Variants in RBM19 observed in about 807,000 individuals in gnomAD.
The protein encoded by RBM19 is RNA binding motif protein 19.
Under a neutral mutation model 116.8 loss-of-function variants are expected in RBM19, and 94 were observed. That is an observed-to-expected ratio of 0.80 (90% CI 0.68 to 0.95). RBM19 has a LOEUF of 0.95. RBM19 is among the 40% of genes least tolerant of loss of function. The pLI is 0.00. For synonymous variants in RBM19, 475 were observed against 494.1 expected (o/e 0.96, Z 0.51); for missense variants, 1,161 against 1,220.7 (o/e 0.95, Z 0.73).
At position 113,822,801 on chromosome 12, in the gene RBM19, G is replaced by C. The variant is rs12303721; in HGVS notation, c.*423C>G. ...AAGGAAACTGGGCCAGGGTCTCCCA[G>C]CTTGAGCTTGGAGACGGGGTTTCAT... On this transcript the variant is annotated 3_prime_UTR_variant, in exon 24 of 24. Transcript: ENST00000261741. 34,013 of 166,202 alleles carry C rather than the reference G, an allele frequency of 0.2. 3,865 individuals are homozygous for C. The highest frequency in any genetic ancestry group is 0.31 in the Middle Eastern group (105 of 336). 10.3% of individuals were successfully genotyped at this position (166,202 alleles called of 1,614,324 possible).
intron 21 of RBM19, among the ~76,000 whole-genome samples, chr12:113,870,484 C>T (rs1180591571): frequency 3.3e-5 from 5 of 152,158 alleles, no homozygotes; most frequent in Non-Finnish European, 5.9e-5. Flanking sequence ...TGCTGCTCTC[C>T]CAGTCTGTTT....
At chr12:113,959,994 G>C in intron 3 of RBM19, 65 bp downstream of exon 3, 1 of 1,613,866 alleles carries the variant, frequency 6.2e-7, no homozygotes, top group Non-Finnish European at 8.5e-7. Context: ...CCATCTTTGG[G>C]AACCAAAAGT....
At chr12:113,887,061 C>T (rs1880579176) in intron 21 of RBM19, among the ~76,000 whole-genome samples, 1 of 152,150 alleles carries the variant, frequency 6.6e-6, no homozygotes, top group African/African-American at 2.4e-5. Context: ...AAAAAAATCA[C>T]AAGAATAACA....
chr12:113,857,526 G>A (rs575669048), intron 22 of RBM19, among the ~76,000 whole-genome samples: 3 of 152,354 alleles, frequency 2.0e-5, no homozygotes, highest in Admixed American at 1.3e-4. Flanking sequence ...TGCCTGCCCC[G>A]CTGTGAGGGT....
intron 18 of RBM19, among the ~76,000 whole-genome samples, chr12:113,924,487 G>C (rs887024987): frequency 6.6e-6 from 1 of 152,178 alleles, no homozygotes; most frequent in South Asian, 2.1e-4. Context: ...TCTGACCCAA[G>C]AGGCTGCTTC....
At chr12:113,873,565 C>A (rs1428628883) in intron 21 of RBM19, among the ~76,000 whole-genome samples, 17 of 119,108 alleles carry the variant, frequency 1.4e-4, no homozygotes, top group African/African-American at 5.2e-4. Context: ...GGTCCTCTGC[C>A]TAGGAAAACC....
intron 14 of RBM19, 82 bp downstream of exon 14, chr12:113,942,242 A>T: frequency 8.4e-7 from 1 of 1,193,662 alleles, no homozygotes; most frequent in Non-Finnish European, 1.2e-6. Flanking sequence ...CAGATCCTTA[A>T]ATCCATCTGC....
intron 7 of RBM19, 40 bp from the exon 8 acceptor site, chr12:113,952,630 T>G (rs1465906635): frequency 6.5e-7 from 1 of 1,536,272 alleles, no homozygotes; most frequent in Non-Finnish European, 9.0e-7. Flanking sequence ...AACCACATAA[T>G]AAAAGTACAA....
intron 21 of RBM19, among the ~76,000 whole-genome samples, chr12:113,913,608 C>T (rs1194710285): frequency 6.6e-6 from 1 of 152,210 alleles, no homozygotes; most frequent in African/African-American, 2.4e-5. Flanking sequence ...ACTTCTTATT[C>T]TTCAAACTAC....
chr12:113,835,972 T>C (rs1875844896), intron 23 of RBM19, among the ~76,000 whole-genome samples: 1 of 152,196 alleles, frequency 6.6e-6, no homozygotes, highest in Non-Finnish European at 1.5e-5. Context: ...ACCATTATAT[T>C]CTCTCGGCTG....
At chr12:113,913,820 G>A (rs938118530) in intron 21 of RBM19, among the ~76,000 whole-genome samples, 5 of 152,184 alleles carry the variant, frequency 3.3e-5, no homozygotes, top group Admixed American at 2.0e-4. Context: ...TCACCCACGC[G>A]CAGGCCATGG....
At chr12:113,841,350 C>T (rs960191045) in intron 23 of RBM19, among the ~76,000 whole-genome samples, 1 of 152,102 alleles carries the variant, frequency 6.6e-6, no homozygotes, top group African/African-American at 2.4e-5. Flanking sequence ...GTTAGAAGGG[C>T]CAAAGCCATG....
At chr12:113,862,306 C>T (rs565992792) in intron 21 of RBM19, among the ~76,000 whole-genome samples, 8 of 152,110 alleles carry the variant, frequency 5.3e-5, no homozygotes, top group Non-Finnish European at 2.9e-5. Context: ...AACTCAAAAT[C>T]GAGGCGAGAT....
chr12:113,937,332 A>C, intron 15 of RBM19, 196 bp from the exon 16 acceptor site: 1 of 550,640 alleles, frequency 1.8e-6, no homozygotes, highest in Non-Finnish European at 3.1e-6. Context: ...CCCATGCTGC[A>C]TCTCAGGGTG....
chr12:113,934,310 A>G (rs1255409854), intron 16 of RBM19, among the ~76,000 whole-genome samples: 2 of 152,226 alleles, frequency 1.3e-5, no homozygotes, highest in South Asian at 2.1e-4. Context: ...GGCGGGGCGG[A>G]TATCATGCCC....
chr12:113,878,118 T>A (rs571970975), intron 21 of RBM19, among the ~76,000 whole-genome samples: 1 of 152,222 alleles, frequency 6.6e-6, no homozygotes, highest in African/African-American at 2.4e-5. Flanking sequence ...GGGTATTTAC[T>A]CTCTGGCCCT....
rs1287076205 is a variant in RBM19 at position 113,825,253 on chromosome 12, C to T, written c.2786-1932G>A. Among the ~76,000 whole-genome samples the T allele has an allele frequency of 1.3e-5, 2 of 152,110 alleles. No individual in the cohort carries two copies. Among genetic ancestry groups the T allele is most frequent in the Admixed American group, 6.5e-5 (1 of 15,278 alleles). The stretch of plus-strand genomic sequence containing the variant: ...AGCGTGCAGAAGGTGCGGGAGGTGC[C>T]CACCTGCCTGCCACCTGAGAGCCTC... On this transcript the variant is annotated intron_variant, in intron 23 of 23. Coordinates refer to ENST00000261741, the MANE Select transcript of RBM19 (RefSeq NM_016196.4). This position sits in a 1 kb window ranked among gnomAD's most constrained non-coding sequence, Gnocchi z 5.7.
At chr12:113,929,173 G>A (rs147768079) in intron 16 of RBM19, among the ~76,000 whole-genome samples, 2 of 152,286 alleles carry the variant, frequency 1.3e-5, no homozygotes, top group East Asian at 3.9e-4. Context: ...GCTTCTTGGG[G>A]TTCAGCTGCA....
chr12:113,878,257 A>C (rs115412256), intron 21 of RBM19, among the ~76,000 whole-genome samples: 1,766 of 152,136 alleles, frequency 0.012, 37 homozygotes, highest in African/African-American at 0.041. Context: ...TGTCCTCATC[A>C]TGTCACCCTA....
Sources: gnomAD v4.1 joint callset for allele counts (sites outside exome capture counted in the v4.1 genomes callset) on GRCh38, gnomAD v4.1.1 for gene constraint, Gnocchi (gnomAD v3.1) non-coding constraint, MANE v1.5 for transcripts, NCBI Gene and HGNC (gene_info 2026-07-23, HGNC 2026-07-21) for gene names.